The following CTTNBP2 variants were observed in gnomAD, a reference collection of about 807,000 sequenced individuals.
The protein encoded by CTTNBP2 is cortactin-binding protein 2.
In CTTNBP2, 108 loss-of-function variants were observed where a neutral mutation model predicts 156.9. The ratio of observed to expected loss-of-function variants is 0.69; its 90% CI spans 0.59 to 0.81. CTTNBP2 has a LOEUF of 0.81. Ranked by LOEUF, CTTNBP2 falls within the 30% of genes least tolerant of loss-of-function variation. The pLI is 0.00. For synonymous variants in CTTNBP2, 767 were observed against 751.8 expected (o/e 1.02, Z -0.33); for missense variants, 1,924 against 2,035.4 (o/e 0.95, Z 1.05).
chr7:117,832,737 CTTTTTTTTTT>C (rs927988376), intron 2 of CTTNBP2, among the ~76,000 whole-genome samples: 2 of 112,996 alleles, frequency 1.8e-5, no homozygotes, highest in South Asian at 2.7e-4. Context: ...ATTCATCAAC[CTTTTTTTTTT>C]TTTTTTTTTT....
At chr7:117,754,120 T>A (rs1796761687) in intron 12 of CTTNBP2, among the ~76,000 whole-genome samples, 1 of 152,198 alleles carries the variant, frequency 6.6e-6, no homozygotes, top group South Asian at 2.1e-4. Context: ...TAGTTTCTGA[T>A]CATTTCCCAG....
intron 14 of CTTNBP2, among the ~76,000 whole-genome samples, chr7:117,743,190 CCA>C (rs1254536235): frequency 6.6e-5 from 10 of 152,222 alleles, no homozygotes; most frequent in African/African-American, 2.4e-4. Context: ...TCATTGCACT[CCA>C]GTTTTCTTAG....
intron 12 of CTTNBP2, among the ~76,000 whole-genome samples, chr7:117,748,212 G>T (rs377153850): frequency 6.6e-6 from 1 of 152,022 alleles, no homozygotes; most frequent in Non-Finnish European, 1.5e-5. Flanking sequence ...AAAGTAATAC[G>T]TTTTCATTTA....
intron 9 of CTTNBP2, among the ~76,000 whole-genome samples, chr7:117,766,115 GA>G (rs1454318367): frequency 6.6e-6 from 1 of 152,082 alleles, no homozygotes; most frequent in Non-Finnish European, 1.5e-5. Flanking sequence ...TAGCTCAACA[GA>G]AAGTGTTCCA....
Position 117,728,264 on chromosome 7 carries a change from T to C in CTTNBP2, c.3880A>G (p.Lys1294Glu). 6.2e-7 allele frequency: 1 copy of C among 1,608,242 alleles called. No individual in the cohort carries two copies. The highest frequency in any genetic ancestry group is 1.1e-5 in the South Asian group (1 of 90,182). ...TCGCAGGGGGAGGGCGCCTGACCTTTGAACTAGAGAGACAGGGAGGTGGAA... is the reference window on the plus strand; with the variant it reads ...TCGCAGGGGGAGGGCGCCTGACCTTCGAACTAGAGAGACAGGGAGGTGGAA... Reference protein sequence around the residue: ...FLRRKVVNKFKGQAPSPCDPV... With the variant: ...FLRRKVVNKFEGQAPSPCDPV... Residue 1294 changes from lysine (K) to glutamate (E), a missense_variant, in exon 17 of 23, where the codon AAA becomes GAA. Coordinates refer to ENST00000160373, the MANE Select transcript of CTTNBP2 (RefSeq NM_033427.3).
intron 2 of CTTNBP2, among the ~76,000 whole-genome samples, chr7:117,828,194 G>T (rs1801401092): frequency 6.6e-6 from 1 of 152,116 alleles, no homozygotes; most frequent in Admixed American, 6.5e-5. Context: ...ATGTTCCCCA[G>T]TCCTTGAGAG....
rs545067656 is a variant in CTTNBP2, at chr7:117,733,838, G to T, written c.3876+1075C>A. ...CACATACTCTAACACAATAGACACA[G>T]AAATTTGTTCAAGCACTTGGTGGAG... On this transcript the variant is annotated intron_variant, in intron 16 of 22. Coordinates refer to ENST00000160373, the MANE Select transcript of CTTNBP2 (RefSeq NM_033427.3). Among the ~76,000 whole-genome samples the T allele has an allele frequency of 1.2e-4, 19 of 152,292 alleles. 1 individual carries two copies. Among genetic ancestry groups the T allele is most frequent in the African/African-American group, 4.3e-4 (18 of 41,568 alleles).
chr7:117,737,448 C>T (rs1795767428), intron 14 of CTTNBP2, among the ~76,000 whole-genome samples: 1 of 152,218 alleles, frequency 6.6e-6, no homozygotes, highest in Admixed American at 6.5e-5. Context: ...AGCCAGAATG[C>T]ATCTGAAGGA....
At chr7:117,800,409 T>G (rs759894540) in intron 3 of CTTNBP2, among the ~76,000 whole-genome samples, 17 of 151,988 alleles carry the variant, frequency 1.1e-4, no homozygotes, top group Non-Finnish European at 1.9e-4. Context: ...TTCTATATCT[T>G]GTTGGTGGGG....
chr7:117,844,637 T>C (rs1480493328), intron 2 of CTTNBP2, among the ~76,000 whole-genome samples: 1 of 152,100 alleles, frequency 6.6e-6, no homozygotes, highest in Non-Finnish European at 1.5e-5. Context: ...AAGGAAACAA[T>C]GTCACAACAG....
intron 12 of CTTNBP2, among the ~76,000 whole-genome samples, chr7:117,754,105 T>C (rs1796761377): frequency 6.6e-6 from 1 of 152,220 alleles, no homozygotes; most frequent in South Asian, 2.1e-4. Context: ...TATTCCTGCA[T>C]GATCTAGTTT....
At chr7:117,749,344 A>G (rs1796504450) in intron 12 of CTTNBP2, among the ~76,000 whole-genome samples, 1 of 152,094 alleles carries the variant, frequency 6.6e-6, no homozygotes, top group South Asian at 2.1e-4. Flanking sequence ...GTGGATGAAA[A>G]CTTGGTGTCT....
chr7:117,724,473 G>A (rs1794974131), intron 19 of CTTNBP2, 74 bp downstream of exon 19: 6 of 1,248,964 alleles, frequency 4.8e-6, no homozygotes, highest in Middle Eastern at 5.7e-4. Context: ...AAAAATGAAA[G>A]CATATTTGCT....
chr7:117,806,221 T>G (rs1455792406), intron 3 of CTTNBP2, among the ~76,000 whole-genome samples: 1 of 152,142 alleles, frequency 6.6e-6, no homozygotes, highest in African/African-American at 2.4e-5. Context: ...GCTCCAAGAA[T>G]AGCACCCAAA....
chr7:117,812,227 G>A (rs73477477), intron 2 of CTTNBP2, among the ~76,000 whole-genome samples: 2,251 of 152,032 alleles, frequency 0.015, 46 homozygotes, highest in African/African-American at 0.047. Flanking sequence ...CAGTAGAAAT[G>A]TATTAAAAGC....
At chr7:117,819,628 G>A (rs1257749025) in intron 2 of CTTNBP2, among the ~76,000 whole-genome samples, 4 of 152,162 alleles carry the variant, frequency 2.6e-5, no homozygotes, top group Non-Finnish European at 5.9e-5. Context: ...GCATCTGTGT[G>A]TGAAGATATA....
chr7:117,725,113 T>C lies in CTTNBP2; in HGVS notation c.4200A>G (p.Lys1400=). Residue 1400 remains lysine, a synonymous_variant, in exon 18 of 23, where the codon AAA becomes AAG. Coordinates refer to ENST00000160373, the MANE Select transcript of CTTNBP2 (RefSeq NM_033427.3). ...TATTTAGCAAGATGCTGAGAGCAGC[T>C]TTGACCACAGCCTGCTGTCCTTGGC... is the stretch of plus-strand genomic sequence containing the variant. ...HPSQGQQAVV[K]AALSILLNKA... The C allele has an allele frequency of 6.2e-7, 1 of 1,613,248 alleles. No individual in the cohort carries two copies. The highest frequency in any genetic ancestry group is 2.2e-5 in the East Asian group (1 of 44,886).
At chr7:117,850,779 T>C (rs1034112335) in intron 2 of CTTNBP2, among the ~76,000 whole-genome samples, 1 of 152,222 alleles carries the variant, frequency 6.6e-6, no homozygotes, top group African/African-American at 2.4e-5. Flanking sequence ...CCCAGTACTT[T>C]TCCATTGTCA....
intron 3 of CTTNBP2, among the ~76,000 whole-genome samples, chr7:117,807,577 T>C (rs76844814): frequency 1.7e-3 from 266 of 152,312 alleles, no homozygotes; most frequent in Non-Finnish European, 2.9e-3. Context: ...GCTAAATATG[T>C]CCAGTAGTTG....
Sources: gnomAD v4.1 joint callset for allele counts (sites outside exome capture counted in the v4.1 genomes callset) on GRCh38, gnomAD v4.1.1 for gene constraint, MANE v1.5 for transcripts, NCBI Gene and HGNC (gene_info 2026-07-23, HGNC 2026-07-21) for gene names.